NAALADL2: variants seen among roughly 807,000 people sequenced by gnomAD.
NAALADL2 encodes inactive N-acetylated-alpha-linked acidic dipeptidase-like protein 2.
In NAALADL2, 76 loss-of-function variants were observed where a neutral mutation model predicts 87.2. That is an observed-to-expected ratio of 0.87 (90% CI 0.72 to 1.05). NAALADL2 has a LOEUF of 1.05. NAALADL2 is among the 50% of genes least tolerant of loss of function. The pLI, the probability that NAALADL2 is intolerant of heterozygous loss-of-function variation, is 0.00. For synonymous variants in NAALADL2, 354 were observed against 331.0 expected (o/e 1.07, Z -0.75); for missense variants, 1,089 against 945.8 (o/e 1.15, Z -1.99).
chr3:175,738,506 C>T (rs993582755), intron 12 of NAALADL2, among the ~76,000 whole-genome samples: 11 of 152,172 alleles, frequency 7.2e-5, no homozygotes, highest in Non-Finnish European at 2.9e-5. Flanking sequence ...CTCGGCCTCC[C>T]GAAGTGCTGG....
chr3:174,732,546 C>T (rs1012543643), intron 2 of NAALADL2, among the ~76,000 whole-genome samples: 1 of 152,068 alleles, frequency 6.6e-6, no homozygotes, highest in African/African-American at 2.4e-5. Flanking sequence ...GAGGACACAG[C>T]TAAGATAGTC....
intron 3 of NAALADL2, among the ~76,000 whole-genome samples, chr3:174,852,740 G>A (rs1178423545): frequency 6.6e-6 from 1 of 152,086 alleles, no homozygotes; most frequent in East Asian, 1.9e-4. Context: ...AACTACAGAA[G>A]ACTCAGAATA....
chr3:175,314,089 A>C (rs1758732007), intron 4 of NAALADL2, among the ~76,000 whole-genome samples: 1 of 151,286 alleles, frequency 6.6e-6, no homozygotes, highest in Non-Finnish European at 1.5e-5. Flanking sequence ...AAAAAAAAAA[A>C]AGAAAAGTGA....
intron 7 of NAALADL2, among the ~76,000 whole-genome samples, chr3:175,464,730 C>A (rs1414909713): frequency 1.3e-5 from 2 of 152,148 alleles, no homozygotes; most frequent in African/African-American, 2.4e-5. Flanking sequence ...CCAACTCTTA[C>A]AAAGTTCATG....
At chr3:175,429,479 C>T (rs1162372649) in intron 5 of NAALADL2, among the ~76,000 whole-genome samples, 2 of 151,952 alleles carry the variant, frequency 1.3e-5, no homozygotes, top group African/African-American at 4.8e-5. Context: ...TAGAAGGTTT[C>T]TGGAGGATAG....
intron 3 of NAALADL2, among the ~76,000 whole-genome samples, chr3:174,751,810 T>G (rs1268511874): frequency 6.6e-6 from 1 of 152,156 alleles, no homozygotes; most frequent in Non-Finnish European, 1.5e-5. Flanking sequence ...ACTTAGGATA[T>G]TTCCTATGCT....
At chr3:175,092,168 TG>T (rs771895284) in intron 1 of NAALADL2, among the ~76,000 whole-genome samples, 4 of 151,958 alleles carry the variant, frequency 2.6e-5, no homozygotes, top group Non-Finnish European at 5.9e-5. Flanking sequence ...TTATTATTTC[TG>T]TTTGACAAAT....
chr3:175,029,222 C>T lies in NAALADL2; in HGVS notation c.44-67568C>T, dbSNP rs969556604. Among the ~76,000 whole-genome samples the T allele has an allele frequency of 2.2e-4, 33 of 152,166 alleles. 1 individual carries two copies. In the East Asian group the frequency reaches 6.2e-3, roughly 29 times the overall value. ...TGAAAAACTTGTTTTTATACTTCAG[C>T]TTTCCTGAACCAGACCATGGCTGTA... is the stretch of plus-strand genomic sequence containing the variant. On this transcript the variant is annotated intron_variant, in intron 1 of 13. Coordinates refer to ENST00000454872, the MANE Select transcript of NAALADL2 (RefSeq NM_207015.3).
intron 2 of NAALADL2, among the ~76,000 whole-genome samples, chr3:175,168,403 C>T (rs752003843): frequency 6.6e-6 from 1 of 151,860 alleles, no homozygotes; most frequent in Admixed American, 6.6e-5. Context: ...ACTTTTCTGG[C>T]ATGTTAGCAT....
At chr3:175,005,813 A>C (rs1748941630) in intron 1 of NAALADL2, among the ~76,000 whole-genome samples, 1 of 152,294 alleles carries the variant, frequency 6.6e-6, no homozygotes, top group East Asian at 1.9e-4. Flanking sequence ...GAGATCAAAA[A>C]GTTGCTTTTT....
At chr3:174,469,184 G>T (rs777328377) in intron 1 of NAALADL2, among the ~76,000 whole-genome samples, 17 of 152,184 alleles carry the variant, frequency 1.1e-4, no homozygotes, top group Non-Finnish European at 2.1e-4. Flanking sequence ...TTATAATACT[G>T]CTTGATCATA....
At chr3:175,313,343 G>A (rs1333584290) in intron 4 of NAALADL2, among the ~76,000 whole-genome samples, 1 of 151,980 alleles carries the variant, frequency 6.6e-6, no homozygotes, top group Non-Finnish European at 1.5e-5. Context: ...GTAAAACTAA[G>A]GTCTTATTTT....
At chr3:175,039,182 C>T (rs894982798) in intron 1 of NAALADL2, among the ~76,000 whole-genome samples, 10 of 151,896 alleles carry the variant, frequency 6.6e-5, no homozygotes, top group African/African-American at 2.4e-4. Context: ...TTTTTTGTTT[C>T]TGAGATGGAG....
intron 11 of NAALADL2, among the ~76,000 whole-genome samples, chr3:175,666,812 A>C (rs374541427): frequency 1.3e-5 from 2 of 152,090 alleles, no homozygotes; most frequent in East Asian, 1.9e-4. Flanking sequence ...TGGGTAGATA[A>C]AAAAACAAAA....
chr3:175,256,606 G>A, intron 4 of NAALADL2, 76 bp downstream of exon 4: 7 of 1,422,224 alleles, frequency 4.9e-6, no homozygotes, highest in Non-Finnish European at 6.7e-6. Context: ...GCTTTTGTGA[G>A]TGTGGAGTGT....
At chr3:174,628,928 A>G (rs1054629148) in intron 2 of NAALADL2, among the ~76,000 whole-genome samples, 2 of 152,150 alleles carry the variant, frequency 1.3e-5, no homozygotes, top group Non-Finnish European at 2.9e-5. Flanking sequence ...AACAGTTTGT[A>G]TTTATTTCTG....
chr3:175,469,954 G>C (rs146194629), intron 8 of NAALADL2, among the ~76,000 whole-genome samples: 2 of 152,120 alleles, frequency 1.3e-5, no homozygotes, highest in African/African-American at 4.8e-5. Flanking sequence ...ATTTATGTGC[G>C]CTTAAAATGT....
intron 11 of NAALADL2, among the ~76,000 whole-genome samples, chr3:175,646,106 C>G (rs1382901197): frequency 6.6e-6 from 1 of 151,952 alleles, no homozygotes; most frequent in African/African-American, 2.4e-5. Context: ...AAATATAAAC[C>G]ATTTAAGTCT....
chr3:175,262,999 C>CAAAAAAA (rs71626206), intron 4 of NAALADL2, among the ~76,000 whole-genome samples: 1 of 128,928 alleles, frequency 7.8e-6, no homozygotes. Flanking sequence ...GAAGTAATTG[C>CAAAAAAA]AAAAAAAAAA....
Sources: gnomAD v4.1 joint callset for allele counts (sites outside exome capture counted in the v4.1 genomes callset) on GRCh38, gnomAD v4.1.1 for gene constraint, MANE v1.5 for transcripts, NCBI Gene and HGNC (gene_info 2026-07-23, HGNC 2026-07-21) for gene names.